Variants in XRCC3 observed in about 807,000 individuals in gnomAD.
The protein encoded by XRCC3 is DNA repair protein XRCC3.
In XRCC3, 34 loss-of-function variants were observed where a neutral mutation model predicts 29.2. That is an observed-to-expected ratio of 1.16 (90% confidence interval 0.88 to 1.55). XRCC3 has a LOEUF of 1.55. Ranked by LOEUF, XRCC3 falls within the 40% of genes most tolerant of loss-of-function variation. The probability of loss-of-function intolerance (pLI) is 0.00; values close to 1 mark genes in which losing one functional copy is unlikely to be tolerated. For missense variants in XRCC3, 463 were observed against 467.6 expected (o/e 0.99, Z 0.09); for synonymous variants, 223 against 211.3 (o/e 1.06, Z -0.48).
At chr14:103,711,940 C>G (rs1456628287) in intron 2 of XRCC3, 3 of 352,110 alleles carry the variant, frequency 8.5e-6, no homozygotes, top group African/African-American at 6.4e-5. Context: ...GGTCCAGGAT[C>G]CATGTCCTCC....
At chr14:103,708,496 T>C (rs767579012) in intron 5 of XRCC3, 26 bp downstream of exon 5, 1 of 1,613,070 alleles carries the variant, frequency 6.2e-7, no homozygotes, top group Non-Finnish European at 8.5e-7. Context: ...ATGTCACCCC[T>C]GGCAGAGATG....
chr14:103,701,204 C>A, intron 7 of XRCC3: 12 of 1,550,788 alleles, frequency 7.7e-6, no homozygotes, highest in Non-Finnish European at 1.0e-5. Context: ...CTTGCAGTGA[C>A]CCCGACCTGG....
chr14:103,709,727 C>G (rs1322429645), intron 4 of XRCC3: 1 of 152,270 alleles, frequency 6.6e-6, no homozygotes, highest in East Asian at 1.9e-4. Context: ...AGCCTCACAG[C>G]CCCAGCCCCC....
At chr14:103,703,426 CTGCCCCTCACAGGTTCTT>C (rs1361262969) in intron 6 of XRCC3, 99 bp from the exon 7 acceptor site, 12 of 1,365,610 alleles carry the variant, frequency 8.8e-6, no homozygotes, top group Non-Finnish European at 1.1e-5. Flanking sequence ...TTCTAACTCT[CTGCCCCTCACAGGTTCTT>C]TGCCCCTCGC....
In XRCC3 at chr14:103,710,853, A is replaced by AACACAC. The variant is rs71126055; in HGVS notation, c.55+174_55+179dup. 8.4e-3 allele frequency: 4,731 copies of AACACAC among 562,384 alleles called. 34 individuals carry two copies. The highest frequency in any genetic ancestry group is 0.034 in the African/African-American group (1,754 of 52,086). 34.8% of individuals were successfully genotyped at this position (562,384 alleles called of 1,614,324 possible). A position where few individuals can be genotyped will look rare whatever the true frequency, so the allele number is the denominator to read the frequency against. On this transcript the variant is annotated intron_variant, in intron 4 of 9. Coordinates refer to ENST00000555055, the MANE Select transcript of XRCC3 (RefSeq NM_005432.4). ...ACTGAAAGAAATCCATGTAGTTAAG[A>AACACAC]ACACACACACACACACACACACACA... is the stretch of plus-strand genomic sequence containing the variant.
chr14:103,702,979 C>T (rs1163522617), intron 7 of XRCC3, 194 bp downstream of exon 7: 2 of 808,354 alleles, frequency 2.5e-6, no homozygotes, highest in Non-Finnish European at 1.9e-6. Flanking sequence ...CCTGCCAGTT[C>T]CTCTCAGTCA....
intron 6 of XRCC3, chr14:103,705,843 G>A (rs2083415568): frequency 6.2e-6 from 1 of 162,382 alleles, no homozygotes; most frequent in Admixed American, 5.8e-5. Context: ...GGACGCTGGA[G>A]AATGAGGGCG....
At chr14:103,713,514 A>G (rs1190743729) in intron 1 of XRCC3, 1 of 152,368 alleles carries the variant, frequency 6.6e-6, no homozygotes, top group Non-Finnish European at 1.5e-5. Context: ...GCAGCACCCG[A>G]GCTGAGCAAT....
At chr14:103,700,038 G>A in intron 7 of XRCC3, 1 of 270,144 alleles carries the variant, frequency 3.7e-6, no homozygotes, top group South Asian at 4.1e-5. Flanking sequence ...CCAGCCCGTG[G>A]TGGCCATGAC....
chr14:103,698,856 C>A lies in XRCC3; in HGVS notation c.983G>T (p.Cys328Phe). The A allele has an allele frequency of 1.9e-6, 3 of 1,607,694 alleles. No individual in the cohort carries two copies. The highest frequency in any genetic ancestry group is 2.5e-6 in the Non-Finnish European group (3 of 1,177,670). The stretch of plus-strand genomic sequence containing the variant: ...CCCTTCGGCACTGATCGTGTAGGAA[C>A]AGGAGGAGGGGGGCAGGTGGGGGGC... ...LSAPHLPPSS[C>F]SYTISAEGVR... The change falls in exon 10 of 10, where the codon TGT becomes TTT. Residue 328 changes from cysteine to phenylalanine, a missense_variant. Physicochemically the swap from Cys to Phe is radical, Grantham distance 205. Coordinates refer to ENST00000555055, the MANE Select transcript of XRCC3 (RefSeq NM_005432.4).
chr14:103,707,240 C>T (rs2083467664), intron 5 of XRCC3, 25 bp from the exon 6 acceptor site: 1 of 1,547,940 alleles, frequency 6.5e-7, no homozygotes, highest in African/African-American at 1.4e-5. Context: ...TAGTGTCAGG[C>T]CTGACTCTCC....
intron 7 of XRCC3, chr14:103,701,108 T>C: frequency 6.8e-7 from 1 of 1,465,574 alleles, no homozygotes. Context: ...AGACTTGGGG[T>C]GGGGGTTCCC....
chr14:103,700,277 T>C lies in XRCC3; in HGVS notation c.562-701A>G, dbSNP rs893715456. 14 of 231,846 alleles carry C rather than the reference T, an allele frequency of 6.0e-5. No homozygotes were observed. In the East Asian group the frequency reaches 1.6e-3, roughly 26 times the overall value. The allele number at this position is 231,846 out of a possible 1,614,324, so 14.4% of individuals were successfully genotyped here. On this transcript the variant is annotated intron_variant, in intron 7 of 9. Coordinates refer to ENST00000555055, the MANE Select transcript of XRCC3 (RefSeq NM_005432.4). ...TGGCCAAGGGGTGGAAACAGCCCTG[T>C]GCCCACCAGCTCCCAGGAGAGCTTC...
At chr14:103,711,337 C>T in intron 3 of XRCC3, 92 bp from the exon 4 acceptor site, 1 of 667,338 alleles carries the variant, frequency 1.5e-6, no homozygotes, top group South Asian at 1.5e-5. Flanking sequence ...AATTATTTAG[C>T]AGCTTAGAAC....
intron 4 of XRCC3, chr14:103,709,806 AG>A (rs2151941778): frequency 6.6e-6 from 1 of 152,408 alleles, no homozygotes; most frequent in South Asian, 2.1e-4. Context: ...CAGGTGAGAA[AG>A]GAACTCCCTG....
At position 103,698,771 on chromosome 14, in the gene XRCC3, C is replaced by G. The variant is rs746146387; in HGVS notation, c.*27G>C. On this transcript the variant is annotated 3_prime_UTR_variant, in exon 10 of 10. Coordinates refer to ENST00000555055, the MANE Select transcript of XRCC3 (RefSeq NM_005432.4). Reference sequence around the variant, plus strand: ...GCCCCGTGTGTCGGGGCTTCTCAGGCAGGGCTGTTGTGCAGCCGCCACCGT... The same window carrying G: ...GCCCCGTGTGTCGGGGCTTCTCAGGGAGGGCTGTTGTGCAGCCGCCACCGT... 1 of 1,566,488 alleles carries G rather than the reference C, an allele frequency of 6.4e-7. No homozygotes were observed. The highest frequency in any genetic ancestry group is 8.6e-7 in the Non-Finnish European group (1 of 1,156,114).
intron 7 of XRCC3, chr14:103,701,484 C>G: frequency 4.7e-6 from 2 of 421,980 alleles, no homozygotes; most frequent in Non-Finnish European, 4.2e-6. Context: ...AACTTCCTCA[C>G]GTTGTGTGCG....
rs3212058 is a variant in XRCC3, at chr14:103,706,723, T to C, written c.406+280A>G. The stretch of plus-strand genomic sequence containing the variant: ...TGTGCGGAACGTGGGCCGGCATCGC[T>C]GTGCTCAGCCAGCGACCCCTGGGGG... On this transcript the variant is annotated intron_variant, in intron 6 of 9. Transcript: ENST00000555055. 8.2e-3 allele frequency: 4,184 copies of C among 508,376 alleles called. 99 individuals carry two copies. Among genetic ancestry groups the C allele is most frequent in the African/African-American group, 0.059 (3,084 of 51,838 alleles). 31.5% of individuals were successfully genotyped at this position (508,376 alleles called of 1,614,324 possible). A position where few individuals can be genotyped will look rare whatever the true frequency, so the allele number is the denominator to read the frequency against.
chr14:103,701,642 AG>A (rs2083200549), intron 7 of XRCC3: 1 of 155,596 alleles, frequency 6.4e-6, no homozygotes, highest in African/African-American at 2.4e-5. Flanking sequence ...TGGGAGGCCG[AG>A]GTGGGCGGAT....
Sources: allele counts gnomAD v4.1 joint callset, GRCh38; gene constraint gnomAD v4.1.1; transcripts MANE v1.5; gene names NCBI Gene and HGNC (gene_info 2026-07-23, HGNC 2026-07-21).